RIMBP2: variants seen among roughly 807,000 people sequenced by gnomAD.
RIMBP2 encodes the protein RIMS binding protein 2, also known as RIMS-binding protein 2.
In RIMBP2, 48 loss-of-function variants were observed where a neutral mutation model predicts 118.6. That is an observed-to-expected ratio of 0.40 (90% CI 0.32 to 0.51). The LOEUF (loss-of-function observed/expected upper bound fraction) is 0.51. Among genes scored for constraint, RIMBP2 ranks in the 20% least tolerant of loss-of-function variants. The probability of loss-of-function intolerance (pLI) is 0.41; values close to 1 mark genes in which losing one functional copy is unlikely to be tolerated. For missense variants in RIMBP2, 1,551 were observed against 1,768.3 expected, an observed-to-expected ratio of 0.88 and a Z score of 2.20; for synonymous variants, 762 against 742.9, an observed-to-expected ratio of 1.03 and a Z score of -0.42.
chr12:130,555,523 AG>A (rs2056265793), intron 2 of RIMBP2, among the ~76,000 whole-genome samples: 2 of 152,240 alleles, frequency 1.3e-5, no homozygotes, highest in African/African-American at 4.8e-5. Context: ...ATTTGAAGAC[AG>A]AAATATGATT....
chr12:130,658,980 A>G (rs1157535862), intron 1 of RIMBP2, among the ~76,000 whole-genome samples: 1 of 150,394 alleles, frequency 6.6e-6, no homozygotes, highest in African/African-American at 2.5e-5. Context: ...CACCATGCCA[A>G]CCTCCCTTCC....
chr12:130,568,135 C>T (rs1049641431), intron 2 of RIMBP2, among the ~76,000 whole-genome samples: 8 of 152,208 alleles, frequency 5.3e-5, no homozygotes, highest in African/African-American at 1.9e-4. Flanking sequence ...ACAGAAACGG[C>T]CTTTGGCAGT....
At chr12:130,513,233 A>G (rs1246934818) in intron 3 of RIMBP2, among the ~76,000 whole-genome samples, 2 of 152,156 alleles carry the variant, frequency 1.3e-5, no homozygotes, top group African/African-American at 2.4e-5. Context: ...GTGATTCTCC[A>G]AGACCTGCTC....
chr12:130,571,416 AT>A (rs1555294909), intron 2 of RIMBP2, among the ~76,000 whole-genome samples: 2,096 of 104,162 alleles, frequency 0.02, 35 homozygotes, highest in African/African-American at 0.063. Flanking sequence ...CCATAGTAAC[AT>A]TTTTTTTTTT....
intron 2 of RIMBP2, among the ~76,000 whole-genome samples, chr12:130,618,302 C>T (rs2061081767): frequency 6.6e-6 from 1 of 152,186 alleles, no homozygotes; most frequent in Non-Finnish European, 1.5e-5. Flanking sequence ...TTCCAGAGAA[C>T]ATCAGATTAG....
At chr12:130,553,004 T>A (rs951861773) in intron 2 of RIMBP2, among the ~76,000 whole-genome samples, 3 of 151,616 alleles carry the variant, frequency 2.0e-5, no homozygotes, top group African/African-American at 7.3e-5. Flanking sequence ...ATACAAAAAA[T>A]TAGCCAGGCG....
At chr12:130,715,359 G>T (rs1018743555) in intron 1 of RIMBP2, among the ~76,000 whole-genome samples, 18 of 152,198 alleles carry the variant, frequency 1.2e-4, no homozygotes, top group African/African-American at 3.6e-4. Context: ...CCCTCCCTCC[G>T]GCCAGCCGCC....
chr12:130,711,820 T>C (rs1949936183), intron 1 of RIMBP2, among the ~76,000 whole-genome samples: 1 of 152,238 alleles, frequency 6.6e-6, no homozygotes, highest in East Asian at 1.9e-4. Flanking sequence ...CATTAGGTGA[T>C]TTCGTCACTG....
chr12:130,664,908 A>G (rs1227780834), intron 1 of RIMBP2, among the ~76,000 whole-genome samples: 1 of 151,796 alleles, frequency 6.6e-6, no homozygotes, highest in African/African-American at 2.4e-5. Context: ...GGGCCCATTC[A>G]CAGAGGCCGG....
At chr12:130,484,518 T>C (rs945827465) in intron 4 of RIMBP2, among the ~76,000 whole-genome samples, 1 of 152,240 alleles carries the variant, frequency 6.6e-6, no homozygotes, top group Non-Finnish European at 1.5e-5. Context: ...CCGGCTCCCT[T>C]GCCTGCTATC....
intron 2 of RIMBP2, among the ~76,000 whole-genome samples, chr12:130,538,585 C>T (rs530421482): frequency 2.6e-5 from 4 of 152,208 alleles, no homozygotes; most frequent in African/African-American, 9.6e-5. Context: ...CCGTGCCACC[C>T]TGCATGCCAG....
chr12:130,695,549 C>A (rs1376887376), intron 1 of RIMBP2, among the ~76,000 whole-genome samples: 2 of 152,154 alleles, frequency 1.3e-5, no homozygotes, highest in Non-Finnish European at 2.9e-5. Context: ...GAAGACCAAC[C>A]TGGGAGGGAG....
intron 1 of RIMBP2, among the ~76,000 whole-genome samples, chr12:130,646,430 T>TCCACCTGCCTCATCACCTCCCTCA (rs2062968756): frequency 1.7e-4 from 1 of 5,984 alleles, no homozygotes; most frequent in African/African-American, 8.0e-4. Context: ...CACTTCCCTC[T>TCCACCTGCCTCATCACCTCCCTCA]CCACCTCCCT....
intron 4 of RIMBP2, among the ~76,000 whole-genome samples, chr12:130,504,840 T>A (rs1341821971): frequency 6.6e-6 from 1 of 152,208 alleles, no homozygotes; most frequent in Non-Finnish European, 1.5e-5. Context: ...GGGTTTTACA[T>A]CCCTGGCCTC....
intron 1 of RIMBP2, among the ~76,000 whole-genome samples, chr12:130,708,618 C>T (rs949209472): frequency 3.9e-5 from 6 of 152,038 alleles, no homozygotes; most frequent in Admixed American, 1.3e-4. Context: ...GCCTGTAGGT[C>T]GAGGCTGCAG....
chr12:130,639,703 C>G (rs1192692215), intron 1 of RIMBP2, among the ~76,000 whole-genome samples: 1 of 152,138 alleles, frequency 6.6e-6, no homozygotes, highest in Non-Finnish European at 1.5e-5. Flanking sequence ...CTCTGCTATA[C>G]TCCCAGTCCC....
chr12:130,616,091 G>A (rs1012797039), intron 2 of RIMBP2, among the ~76,000 whole-genome samples: 1 of 152,088 alleles, frequency 6.6e-6, no homozygotes, highest in Non-Finnish European at 1.5e-5. Flanking sequence ...TACCCGCTGG[G>A]CTCTGTGTCC....
chr12:130,472,718 T>C (rs915337426), intron 5 of RIMBP2, among the ~76,000 whole-genome samples: 6 of 152,154 alleles, frequency 3.9e-5, no homozygotes, highest in African/African-American at 1.4e-4. Flanking sequence ...AGAGCTTGGC[T>C]TCCCCAGCCA....
chr12:130,632,157 T>A (rs2062031416), intron 1 of RIMBP2, among the ~76,000 whole-genome samples: 1 of 152,222 alleles, frequency 6.6e-6, no homozygotes, highest in Non-Finnish European at 1.5e-5. Context: ...CCAGATCAGA[T>A]GGGCTGGATG....
Sources: gnomAD v4.1 joint callset for allele counts (sites outside exome capture counted in the v4.1 genomes callset) on GRCh38, gnomAD v4.1.1 for gene constraint, MANE v1.5 for transcripts, NCBI Gene and HGNC (gene_info 2026-07-23, HGNC 2026-07-21) for gene names.